Variants in ZFHX3 observed in about 807,000 individuals in gnomAD.
ZFHX3 encodes the protein zinc finger homeobox protein 3.
A neutral mutation model predicts 279.1 loss-of-function variants in ZFHX3; 42 were observed. The observed-to-expected ratio is 0.15, with a 90% CI of 0.12 to 0.19. The LOEUF is 0.19. ZFHX3 is among the 10% of genes least tolerant of loss of function. The probability of loss-of-function intolerance (pLI) is 1.00; values close to 1 mark genes in which losing one functional copy is unlikely to be tolerated. For missense variants in ZFHX3, 4,981 were observed against 4,754.0 expected, an observed-to-expected ratio of 1.05 and a Z score of -1.40; for synonymous variants, 2,293 against 1,957.8, an observed-to-expected ratio of 1.17 and a Z score of -4.52.
intron 3 of ZFHX3, among the ~76,000 whole-genome samples, chr16:72,933,985 A>G (rs2099267978): frequency 6.6e-6 from 1 of 151,618 alleles, no homozygotes; most frequent in Non-Finnish European, 1.5e-5. Context: ...CGCCCAGCTA[A>G]TTTTTTGTAT....
chr16:72,797,734 A>G lies in ZFHX3; in HGVS notation c.4948T>C (p.Ser1650Pro). The G allele has an allele frequency of 6.2e-7, 1 of 1,614,100 alleles. No individual in the cohort carries two copies. The highest frequency in any genetic ancestry group is 1.1e-5 in the South Asian group (1 of 91,078). ...GNSSSISLSSSTPSPVSTSGS... is the reference protein window; with the variant it reads ...GNSSSISLSSPTPSPVSTSGS... ...CTGGTGCTCACAGGACTTGGCGTGG[A>G]GGAGCTCAAGGAAATACTGCTGCTG... Residue 1650 changes from serine (S) to proline (P), a missense_variant, in exon 9 of 10, where the codon TCC becomes CCC. Around this residue, in one of 7 missense-constraint regions of ZFHX3, gnomAD observed 1,751 missense variants for 1,770.0 expected, o/e 0.99. Coordinates refer to ENST00000268489, the MANE Select transcript of ZFHX3 (RefSeq NM_006885.4).
At chr16:72,941,658 T>A (rs1192051622) in intron 3 of ZFHX3, among the ~76,000 whole-genome samples, 1 of 152,150 alleles carries the variant, frequency 6.6e-6, no homozygotes, top group East Asian at 1.9e-4. Flanking sequence ...GTTTCTATTT[T>A]TTTTTAATGT....
At chr16:73,487,408 ATTTT>A in intron 2 of ZFHX3, 2 of 383,738 alleles carry the variant, frequency 5.2e-6, no homozygotes, top group East Asian at 7.9e-5. Flanking sequence ...TATCTATGTG[ATTTT>A]TTTTTTTTTT....
chr16:72,804,269 A>C (rs2036197177), intron 7 of ZFHX3, among the ~76,000 whole-genome samples: 1 of 152,200 alleles, frequency 6.6e-6, no homozygotes, highest in Non-Finnish European at 1.5e-5. Flanking sequence ...CCATTTACTA[A>C]ATAAACACTG....
At chr16:73,698,912 G>T (rs1309328790) in intron 1 of ZFHX3, among the ~76,000 whole-genome samples, 2 of 151,952 alleles carry the variant, frequency 1.3e-5, no homozygotes, top group Non-Finnish European at 2.9e-5. Flanking sequence ...CTGAGATGGG[G>T]TCTTCCTCTG....
intron 1 of ZFHX3, among the ~76,000 whole-genome samples, chr16:73,864,600 TC>T (rs1961964446): frequency 6.6e-6 from 1 of 152,102 alleles, no homozygotes; most frequent in African/African-American, 2.4e-5. Context: ...GCGCCTGTAG[TC>T]CCAGCTACTT....
intron 1 of ZFHX3, among the ~76,000 whole-genome samples, chr16:73,771,029 T>C (rs2054011999): frequency 6.6e-6 from 1 of 152,132 alleles, no homozygotes; most frequent in Non-Finnish European, 1.5e-5. Context: ...TCACTTCACA[T>C]CTCTGGGCTT....
chr16:73,769,384 C>G (rs1362054984), intron 1 of ZFHX3, among the ~76,000 whole-genome samples: 1 of 152,100 alleles, frequency 6.6e-6, no homozygotes, highest in East Asian at 1.9e-4. Context: ...AAAATATGAC[C>G]TGGAAAATGT....
intron 5 of ZFHX3, among the ~76,000 whole-genome samples, chr16:73,229,900 C>T (rs1567424299): frequency 6.6e-6 from 1 of 151,900 alleles, no homozygotes; most frequent in African/African-American, 2.4e-5. Context: ...TTACAGCTAA[C>T]AAAAGGCACA....
intron 1 of ZFHX3, among the ~76,000 whole-genome samples, chr16:73,001,395 G>A (rs2144596555): frequency 6.6e-6 from 1 of 152,304 alleles, no homozygotes; most frequent in East Asian, 1.9e-4. Flanking sequence ...CTACGCCACA[G>A]CCCGATTCCT....
At chr16:72,813,073 T>C (rs2036508131) in intron 5 of ZFHX3, among the ~76,000 whole-genome samples, 1 of 152,214 alleles carries the variant, frequency 6.6e-6, no homozygotes, top group Non-Finnish European at 1.5e-5. Flanking sequence ...AAACACAGTA[T>C]GGTTGGATCT....
intron 3 of ZFHX3, among the ~76,000 whole-genome samples, chr16:72,909,688 G>A (rs910536297): frequency 1.3e-5 from 2 of 151,910 alleles, no homozygotes; most frequent in Non-Finnish European, 2.9e-5. Context: ...ACCAGCCTGG[G>A]CAACGTGGTG....
At chr16:73,792,739 G>A (rs374757360) in intron 1 of ZFHX3, among the ~76,000 whole-genome samples, 1 of 152,120 alleles carries the variant, frequency 6.6e-6, no homozygotes, top group Admixed American at 6.5e-5. Context: ...ACGGTTGTTC[G>A]AAAAGGCTGG....
intron 3 of ZFHX3, among the ~76,000 whole-genome samples, chr16:73,431,885 C>G (rs2017917728): frequency 6.6e-6 from 1 of 152,086 alleles, no homozygotes. Context: ...GTCTCTGTGT[C>G]TGGAGAAGCA....
At chr16:72,944,381 T>C (rs974872583) in intron 3 of ZFHX3, among the ~76,000 whole-genome samples, 4 of 152,230 alleles carry the variant, frequency 2.6e-5, no homozygotes, top group African/African-American at 9.6e-5. Flanking sequence ...CATACACACA[T>C]GCATTTTCAT....
At chr16:72,890,076 T>G (rs1328465264) in intron 3 of ZFHX3, 114 bp from the exon 4 acceptor site, 3 of 881,494 alleles carry the variant, frequency 3.4e-6, no homozygotes, top group South Asian at 1.7e-5. Context: ...GGGACACATC[T>G]CCACAGCCAA....
intron 4 of ZFHX3, among the ~76,000 whole-genome samples, chr16:72,830,583 T>C (rs1483072994): frequency 6.6e-6 from 1 of 152,204 alleles, no homozygotes; most frequent in Non-Finnish European, 1.5e-5. Context: ...TTAAAACTAA[T>C]GCAGGAAACC....
At chr16:73,513,818 C>T (rs2019474449) in intron 2 of ZFHX3, among the ~76,000 whole-genome samples, 1 of 152,102 alleles carries the variant, frequency 6.6e-6, no homozygotes, top group Non-Finnish European at 1.5e-5. Flanking sequence ...TTCTTTGTCT[C>T]ATGCCCACCA....
At chr16:73,316,643 C>T (rs887204746) in intron 4 of ZFHX3, among the ~76,000 whole-genome samples, 4 of 152,080 alleles carry the variant, frequency 2.6e-5, no homozygotes, top group African/African-American at 9.7e-5. Context: ...GTTGGGAATC[C>T]CCCACTCCAC....
Sources: allele counts gnomAD v4.1 joint callset (sites outside exome capture counted in the v4.1 genomes callset), GRCh38; gene constraint gnomAD v4.1.1; regional missense constraint gnomAD v4.1.1; transcripts MANE v1.5; gene names NCBI Gene and HGNC (gene_info 2026-07-23, HGNC 2026-07-21).